Variants in DMD observed in about 807,000 individuals in gnomAD.
DMD encodes dystrophin, also known as mutant dystrophin.
DMD carries 63 observed loss-of-function variants against 330.1 expected under a neutral mutation model. That is an observed-to-expected ratio of 0.19 (90% confidence interval 0.16 to 0.24). The LOEUF is 0.24. Ranked by LOEUF, DMD falls within the 10% of genes least tolerant of loss-of-function variation. The probability of loss-of-function intolerance (pLI) is 1.00; values close to 1 mark genes in which losing one functional copy is unlikely to be tolerated. For missense variants in DMD, 3,344 were observed against 2,684.1 expected (o/e 1.25, Z -5.43); for synonymous variants, 1,223 against 959.8 (o/e 1.27, Z -5.07).
intron 55 of DMD, among the ~76,000 whole-genome samples, chrX:31,569,095 G>C (rs1422270480): frequency 9.0e-6 from 1 of 110,869 alleles, no homozygotes; most frequent in Non-Finnish European, 1.9e-5. Flanking sequence ...AACCACATCA[G>C]GTGGTGTTAA....
At chrX:32,621,183 T>A (rs2057962455) in intron 11 of DMD, among the ~76,000 whole-genome samples, 1 of 111,223 alleles carries the variant, frequency 9.0e-6, no homozygotes, top group Non-Finnish European at 1.9e-5. Context: ...AAGACTGAAG[T>A]CAGAAGTAGT....
intron 55 of DMD, among the ~76,000 whole-genome samples, chrX:31,558,145 G>A (rs1021516399): frequency 8.9e-6 from 1 of 112,257 alleles, no homozygotes; most frequent in Non-Finnish European, 1.9e-5. Flanking sequence ...GGAATGAAGA[G>A]CTCTGAAGAG....
At chrX:31,186,023 A>G (rs1436178094) in intron 67 of DMD, among the ~76,000 whole-genome samples, 1 of 111,853 alleles carries the variant, frequency 8.9e-6, no homozygotes, top group Admixed American at 9.5e-5. Context: ...GTGGTTTCCT[A>G]ATAAAGGACA....
At chrX:31,700,058 C>A (rs1211181620) in intron 52 of DMD, among the ~76,000 whole-genome samples, 2 of 109,184 alleles carry the variant, frequency 1.8e-5, no homozygotes, top group African/African-American at 6.7e-5. Flanking sequence ...CAGTGGCAGG[C>A]ACCTGTAATC....
chrX:32,676,943 T>C (rs922288817), intron 9 of DMD, among the ~76,000 whole-genome samples: 1 of 112,008 alleles, frequency 8.9e-6, no homozygotes, highest in Non-Finnish European at 1.9e-5. Flanking sequence ...TTCCTGATTT[T>C]CATTTATTGA....
chrX:32,850,984 A>T (rs1229329979), intron 2 of DMD, among the ~76,000 whole-genome samples: 1 of 111,939 alleles, frequency 8.9e-6, no homozygotes, highest in East Asian at 2.8e-4. Context: ...ACTAAAGAAC[A>T]TGTAACAGTG....
intron 64 of DMD, among the ~76,000 whole-genome samples, chrX:31,215,944 G>GACT (rs988595191): frequency 8.9e-6 from 1 of 112,103 alleles, no homozygotes; most frequent in African/African-American, 3.2e-5. Context: ...TTTTAGGAGT[G>GACT]ACTACTATTC....
rs759174269 is a variant in DMD, at chrX:32,380,494, G to A, written c.4845+16C>T. ...TCACGTATGTTCAAAATAACCTTCA[G>A]TGATATAGGTTTTACCTTTCCCCAG... On this transcript the variant is annotated intron_variant, in intron 34 of 78. Coordinates refer to ENST00000357033, the MANE Select transcript of DMD (RefSeq NM_004006.3). 1 of 1,203,638 alleles carries A rather than the reference G, an allele frequency of 8.3e-7. No individual in the cohort carries two copies.
At chrX:31,499,290 T>C (rs966244980) in intron 56 of DMD, among the ~76,000 whole-genome samples, 2 of 111,069 alleles carry the variant, frequency 1.8e-5, no homozygotes, top group African/African-American at 6.5e-5. Flanking sequence ...AATATCCTTG[T>C]GGCAGAGAGG....
intron 44 of DMD, among the ~76,000 whole-genome samples, chrX:32,181,370 G>A (rs1287506573): frequency 2.7e-5 from 3 of 111,899 alleles, no homozygotes; most frequent in Non-Finnish European, 5.6e-5. Context: ...CTGTAGCAGA[G>A]CTTCCATGGA....
chrX:32,858,480 T>C (rs767589053), intron 2 of DMD, among the ~76,000 whole-genome samples: 1 of 111,282 alleles, frequency 9.0e-6, no homozygotes, highest in Non-Finnish European at 1.9e-5. Context: ...CAGGCATGTG[T>C]CATCACGTCC....
intron 43 of DMD, among the ~76,000 whole-genome samples, chrX:32,264,380 G>T (rs2097335826): frequency 8.9e-6 from 1 of 111,859 alleles, no homozygotes; most frequent in Admixed American, 9.5e-5. Flanking sequence ...ATAGCAGCAT[G>T]AGAACAGACT....
intron 7 of DMD, among the ~76,000 whole-genome samples, chrX:32,781,734 A>G (rs1333529783): frequency 9.0e-6 from 1 of 110,917 alleles, no homozygotes; most frequent in Non-Finnish European, 1.9e-5. Flanking sequence ...GTACGTGCAC[A>G]CACATACATC....
chrX:31,469,971 T>C (rs2067171564), intron 59 of DMD, among the ~76,000 whole-genome samples: 1 of 111,318 alleles, frequency 9.0e-6, no homozygotes, highest in African/African-American at 3.3e-5. Context: ...TGGCTATTGA[T>C]ACTTGTGTAT....
At chrX:32,604,362 A>G (rs1032312607) in intron 12 of DMD, among the ~76,000 whole-genome samples, 7 of 110,678 alleles carry the variant, frequency 6.3e-5, no homozygotes, top group African/African-American at 2.0e-4. Context: ...TCCCCAAGAT[A>G]AAGACCCTCA....
chrX:33,160,377 C>T (rs1385758873), intron 1 of DMD, among the ~76,000 whole-genome samples: 1 of 111,481 alleles, frequency 9.0e-6, no homozygotes, highest in Non-Finnish European at 1.9e-5. Flanking sequence ...GTCAGGGACA[C>T]TGCCTTTATG....
chrX:31,298,434 C>A (rs985928745), intron 62 of DMD, among the ~76,000 whole-genome samples: 1 of 109,618 alleles, frequency 9.1e-6, no homozygotes, highest in African/African-American at 3.3e-5. Context: ...CACACACATA[C>A]ACACACACAC....
At chrX:32,436,595 G>A (rs889234716) in intron 29 of DMD, among the ~76,000 whole-genome samples, 1 of 111,506 alleles carries the variant, frequency 9.0e-6, no homozygotes, top group African/African-American at 3.3e-5. Flanking sequence ...CATTAATAGA[G>A]TTAATACCAA....
chrX:32,886,590 G>A (rs2084603447), intron 2 of DMD, among the ~76,000 whole-genome samples: 1 of 110,433 alleles, frequency 9.1e-6, no homozygotes, highest in Admixed American at 9.6e-5. Context: ...GGCTGAGGCA[G>A]GAGAATGGCG....
Sources: gnomAD v4.1 joint callset for allele counts (sites outside exome capture counted in the v4.1 genomes callset) on GRCh38, gnomAD v4.1.1 for gene constraint, MANE v1.5 for transcripts, NCBI Gene and HGNC (gene_info 2026-07-23, HGNC 2026-07-21) for gene names.